Variants in DNAJC3 observed in about 807,000 individuals in gnomAD.
The protein encoded by DNAJC3 is dnaJ homolog subfamily C member 3.
Under a neutral mutation model 68.6 loss-of-function variants are expected in DNAJC3, and 38 were observed. The observed-to-expected ratio is 0.55, with a 90% CI of 0.43 to 0.73. DNAJC3 has a LOEUF of 0.73. Among genes scored for constraint, DNAJC3 ranks in the 30% least tolerant of loss-of-function variants. The probability of loss-of-function intolerance (pLI) is 0.00; values close to 1 mark genes in which losing one functional copy is unlikely to be tolerated. For missense variants in DNAJC3, 526 were observed against 591.9 expected, an observed-to-expected ratio of 0.89 and a Z score of 1.16; for synonymous variants, 203 against 204.0, an observed-to-expected ratio of 1.00 and a Z score of 0.04.
chr13:95,781,008 C>T (rs1157326050), intron 9 of DNAJC3, among the ~76,000 whole-genome samples: 1 of 152,080 alleles, frequency 6.6e-6, no homozygotes, highest in African/African-American at 2.4e-5. Flanking sequence ...CTGGGGAGCT[C>T]AGGGCAGGCT....
intron 11 of DNAJC3, among the ~76,000 whole-genome samples, chr13:95,790,545 T>C (rs1375053240): frequency 6.6e-6 from 1 of 152,172 alleles, no homozygotes; most frequent in African/African-American, 2.4e-5. Context: ...CTCTTGGAAG[T>C]TTCTCTTGAA....
intron 2 of DNAJC3, among the ~76,000 whole-genome samples, chr13:95,711,686 C>T (rs1261597575): frequency 1.3e-5 from 2 of 151,932 alleles, no homozygotes; most frequent in Non-Finnish European, 2.9e-5. Flanking sequence ...TGGGTATAAG[C>T]CTAATAACAT....
At chr13:95,785,452 C>CG (rs1883570169) in intron 9 of DNAJC3, among the ~76,000 whole-genome samples, 2 of 77,926 alleles carry the variant, frequency 2.6e-5, no homozygotes, top group Non-Finnish European at 4.5e-5. Context: ...CCTTTTAAAC[C>CG]TTTTTTTTTT....
intron 9 of DNAJC3, among the ~76,000 whole-genome samples, chr13:95,780,070 G>A (rs1883407528): frequency 6.6e-6 from 1 of 152,166 alleles, no homozygotes; most frequent in African/African-American, 2.4e-5. Flanking sequence ...GTAGTTAACA[G>A]TCGCAGTACT....
chr13:95,771,523 C>T (rs971722182), intron 9 of DNAJC3, among the ~76,000 whole-genome samples: 17 of 152,042 alleles, frequency 1.1e-4, no homozygotes, highest in African/African-American at 3.9e-4. Context: ...GTGTTGAAGG[C>T]AGGCCAGGGT....
chr13:95,762,867 T>C (rs1260848731), intron 7 of DNAJC3, among the ~76,000 whole-genome samples: 1 of 152,204 alleles, frequency 6.6e-6, no homozygotes, highest in Non-Finnish European at 1.5e-5. Context: ...GAATATGCAG[T>C]GCTTTGTTTT....
intron 3 of DNAJC3, among the ~76,000 whole-genome samples, chr13:95,723,683 G>A (rs1019510064): frequency 2.0e-5 from 3 of 152,170 alleles, no homozygotes; most frequent in African/African-American, 7.2e-5. Context: ...TTGATGAAGA[G>A]GCTGAATTAA....
At chr13:95,691,022 C>T (rs1422813459) in intron 1 of DNAJC3, among the ~76,000 whole-genome samples, 1 of 142,542 alleles carries the variant, frequency 7.0e-6, no homozygotes, top group Non-Finnish European at 1.5e-5. Context: ...GGGGGCTGAC[C>T]CCCCCACCTC....
At chr13:95,704,836 A>G (rs939435532) in intron 1 of DNAJC3, among the ~76,000 whole-genome samples, 9 of 120,712 alleles carry the variant, frequency 7.5e-5, no homozygotes, top group African/African-American at 1.3e-4. Flanking sequence ...AGAAAGGACT[A>G]ATCTGTGTGT....
chr13:95,756,011 C>T (rs567757990), intron 4 of DNAJC3, among the ~76,000 whole-genome samples: 3 of 152,160 alleles, frequency 2.0e-5, no homozygotes, highest in South Asian at 2.1e-4. Context: ...GCCTCTGTCC[C>T]GAGATTTAGG....
chr13:95,739,296 T>C (rs1377313021), intron 4 of DNAJC3, among the ~76,000 whole-genome samples: 1 of 151,740 alleles, frequency 6.6e-6, no homozygotes, highest in African/African-American at 2.4e-5. Flanking sequence ...CTGACAATTA[T>C]GTGTCTTGGA....
At chr13:95,761,912 C>CT (rs912502814) in intron 7 of DNAJC3, among the ~76,000 whole-genome samples, 11 of 152,136 alleles carry the variant, frequency 7.2e-5, no homozygotes, top group South Asian at 2.1e-4. Context: ...GCAGGATGGG[C>CT]TTTTTTCCCC....
chr13:95,696,751 GT>G (rs1236225284), intron 1 of DNAJC3, among the ~76,000 whole-genome samples: 2,057 of 144,524 alleles, frequency 0.014, 45 homozygotes, highest in African/African-American at 0.049. Context: ...TGTGTCTTGT[GT>G]TTTTTTTTTT....
chr13:95,723,555 C>T (rs1002114567), intron 3 of DNAJC3, among the ~76,000 whole-genome samples, 189 bp downstream of exon 3: 2 of 151,940 alleles, frequency 1.3e-5, no homozygotes, highest in South Asian at 4.1e-4. Flanking sequence ...AAGAGAACAG[C>T]GGGTACATTA....
chr13:95,680,479 A>C (rs1879883988), intron 1 of DNAJC3, among the ~76,000 whole-genome samples: 1 of 152,212 alleles, frequency 6.6e-6, no homozygotes, highest in African/African-American at 2.4e-5. Flanking sequence ...CTAAATAGGG[A>C]AAGAATAAAG....
chr13:95,688,973 G>A (rs1281286484), intron 1 of DNAJC3, among the ~76,000 whole-genome samples: 2 of 145,222 alleles, frequency 1.4e-5, no homozygotes, highest in African/African-American at 5.4e-5. Context: ...TGTGCGCGCT[G>A]TTGGATTTAG....
At chr13:95,710,021 T>C (rs1048222206) in intron 2 of DNAJC3, among the ~76,000 whole-genome samples, 1 of 152,224 alleles carries the variant, frequency 6.6e-6, no homozygotes, top group African/African-American at 2.4e-5. Context: ...TCACTTGATA[T>C]CCTTGGGAGA....
intron 4 of DNAJC3, chr13:95,744,946 A>G (rs1882257733): frequency 6.6e-6 from 1 of 152,234 alleles, no homozygotes; most frequent in African/African-American, 2.4e-5. Context: ...AAATGTTTTC[A>G]GTCATATAAT....
chr13:95,794,058 A>G lies in DNAJC3; in HGVS notation c.*3028A>G, dbSNP rs1016030628. On this transcript the variant is annotated 3_prime_UTR_variant, in exon 12 of 12. Transcript: ENST00000602402. ...TGAAAAAAATCTTGACAGTTTACTA[A>G]TGTGAATCAGATGTAACGTACTACT... The G allele has an allele frequency of 1.1e-4, 16 of 152,342 alleles. No homozygotes were observed. The highest frequency in any genetic ancestry group is 3.8e-4 in the African/African-American group (16 of 41,586). The allele number at this position is 152,342 out of a possible 1,614,324, so 9.4% of individuals were successfully genotyped here.
Sources: allele counts gnomAD v4.1 joint callset (sites outside exome capture counted in the v4.1 genomes callset), GRCh38; gene constraint gnomAD v4.1.1; transcripts MANE v1.5; gene names NCBI Gene and HGNC (gene_info 2026-07-23, HGNC 2026-07-21).